Variants in DBT observed in about 807,000 individuals in gnomAD.
The protein encoded by DBT is lipoamide acyltransferase component of branched-chain alpha-keto acid dehydrogenase complex, mitochondrial.
A neutral mutation model predicts 51.3 loss-of-function variants in DBT; 40 were observed. The observed-to-expected ratio is 0.78, with a 90% confidence interval of 0.61 to 1.02. The LOEUF (loss-of-function observed/expected upper bound fraction) is 1.02, where lower values mean the gene tolerates loss of function less well. Among genes scored for constraint, DBT ranks in the 50% least tolerant of loss-of-function variants. The pLI is 0.00. For missense variants in DBT, 510 were observed against 580.2 expected (o/e 0.88, Z 1.24); for synonymous variants, 181 against 190.4 (o/e 0.95, Z 0.41).
At chr1:100,200,661 C>T (rs576584387) in intron 10 of DBT, among the ~76,000 whole-genome samples, 77 of 152,278 alleles carry the variant, frequency 5.1e-4, no homozygotes, top group African/African-American at 1.7e-3. Flanking sequence ...GGAGAGCTCT[C>T]GCTGGCATCT....
In DBT at chr1:100,195,962, G is replaced by A. The variant is rs1017324148; in HGVS notation, c.*293C>T. On this transcript the variant is annotated 3_prime_UTR_variant, in exon 11 of 11. Coordinates refer to ENST00000370132, the MANE Select transcript of DBT (RefSeq NM_001918.5). The stretch of plus-strand genomic sequence containing the variant: ...TTACAGGCGTGAGCCACCATGCCCG[G>A]CCTAATTTTGTTAATCTTGCCAGTT... The A allele has an allele frequency of 4.7e-5, 19 of 403,850 alleles. No homozygotes were observed. Among genetic ancestry groups the A allele is most frequent in the Non-Finnish European group, 1.4e-5 (3 of 217,394 alleles). The allele number at this position is 403,850 out of a possible 1,614,324, so 25.0% of individuals were successfully genotyped here.
At position 100,187,257 on chromosome 1, in the gene DBT, A is replaced by G. The variant is rs1279395426; in HGVS notation, c.*8998T>C. On this transcript the variant is annotated 3_prime_UTR_variant, in exon 11 of 11. Coordinates refer to ENST00000370132, the MANE Select transcript of DBT (RefSeq NM_001918.5). ...AGACATAAAAGTCTTTCTTCAAAAG[A>G]AAAACAAAACAAAACAAAAAACAAT... The G allele has an allele frequency of 6.6e-6, 1 of 151,892 alleles. No individual in the cohort carries two copies. Among genetic ancestry groups the G allele is most frequent in the South Asian group, 2.1e-4 (1 of 4,830 alleles). The allele number at this position is 151,892 out of a possible 1,614,324, so 9.4% of individuals were successfully genotyped here.
intron 7 of DBT, chr1:100,213,635 C>A (rs1662297302): frequency 3.1e-6 from 5 of 1,608,628 alleles, no homozygotes; most frequent in African/African-American, 1.3e-5. Flanking sequence ...CTTGAGGGAG[C>A]GAAGATGCCC....
chr1:100,217,162 A>C lies in DBT; in HGVS notation c.556-963T>G, dbSNP rs182099777. 3.4e-4 allele frequency among the ~76,000 whole-genome samples: 52 copies of C among 152,306 alleles called. No homozygotes were observed. The East Asian group carries it at 9.4e-3, about 28-fold the overall frequency. On this transcript the variant is annotated intron_variant, in intron 5 of 10. Coordinates refer to ENST00000370132, the MANE Select transcript of DBT (RefSeq NM_001918.5). ...CTAAATCCAATATTTAATTTTTAGT[A>C]ATCATACAAGCACTCTACCCAAGTA...
chr1:100,206,197 A>G (rs1284417051), intron 10 of DBT, 33 bp downstream of exon 10: 1 of 1,499,638 alleles, frequency 6.7e-7, no homozygotes, highest in South Asian at 1.1e-5. Flanking sequence ...GAATTTGCTT[A>G]AACTCCATTT....
Position 100,214,934 on chromosome 1 carries a change from AG to A in DBT, c.821del (p.Pro274LeufsTer21). ...CAATCTCATCACAATAACCAAAATG[AG>A]GTATCTTCAGGGCTGCAGACATAGT... ...VKTMSAALKI[P>X]HFGYCDEIDL... On this transcript the variant is annotated frameshift_variant, in exon 7 of 11. Coordinates refer to ENST00000370132, the MANE Select transcript of DBT (RefSeq NM_001918.5). LOFTEE classifies it high-confidence loss of function. 1 of 1,612,654 alleles carries A rather than the reference AG, an allele frequency of 6.2e-7. No individual in the cohort carries two copies. Among genetic ancestry groups the A allele is most frequent in the South Asian group, 1.1e-5 (1 of 91,052 alleles).
At chr1:100,234,181 A>G (rs933932539) in intron 3 of DBT, among the ~76,000 whole-genome samples, 1 of 152,220 alleles carries the variant, frequency 6.6e-6, no homozygotes, top group Non-Finnish European at 1.5e-5. Flanking sequence ...ATATTTCGCA[A>G]AGAACTTCTG....
rs931995014 is a variant in DBT, at chr1:100,193,557, T to C, written c.*2698A>G. 7 of 152,208 alleles carry C rather than the reference T, an allele frequency of 4.6e-5. No individual in the cohort carries two copies. The highest frequency in any genetic ancestry group is 1.7e-4 in the African/African-American group (7 of 41,444). 9.4% of individuals were successfully genotyped at this position (152,208 alleles called of 1,614,324 possible). ...GATTGGTATGGTAGATGTTTAATGT[T>C]TGAATGTATAATAAATGCATACAAT... is the stretch of plus-strand genomic sequence containing the variant. On this transcript the variant is annotated 3_prime_UTR_variant, in exon 11 of 11. Transcript: ENST00000370132.
At chr1:100,199,092 C>G (rs1661276630) in intron 10 of DBT, among the ~76,000 whole-genome samples, 1 of 152,158 alleles carries the variant, frequency 6.6e-6, no homozygotes, top group Non-Finnish European at 1.5e-5. Flanking sequence ...TCCAATTCAG[C>G]TGGTAGAGGG....
intron 8 of DBT, among the ~76,000 whole-genome samples, chr1:100,207,898 C>T (rs373002121): frequency 1.6e-4 from 25 of 151,908 alleles, no homozygotes; most frequent in African/African-American, 4.8e-5. Flanking sequence ...TTTGGGAGGC[C>T]GAGGCGGGCG....
chr1:100,203,001 A>G (rs1314742424), intron 10 of DBT, among the ~76,000 whole-genome samples: 1 of 152,210 alleles, frequency 6.6e-6, no homozygotes, highest in Admixed American at 6.5e-5. Context: ...AGCAGGAAAG[A>G]TCTAAAATCA....
At chr1:100,219,553 G>A (rs2100806470) in intron 4 of DBT, among the ~76,000 whole-genome samples, 1 of 152,064 alleles carries the variant, frequency 6.6e-6, no homozygotes, top group South Asian at 2.1e-4. Context: ...AGACCAGCCT[G>A]GGCAATAAAG....
At chr1:100,225,151 A>C (rs1012862878) in intron 4 of DBT, among the ~76,000 whole-genome samples, 3 of 151,482 alleles carry the variant, frequency 2.0e-5, no homozygotes, top group African/African-American at 4.9e-5. Context: ...ACCATAATCA[A>C]GATAATGAAC....
chr1:100,197,582 A>T (rs975367078), intron 10 of DBT, among the ~76,000 whole-genome samples: 5 of 152,218 alleles, frequency 3.3e-5, no homozygotes, highest in African/African-American at 4.8e-5. Context: ...GATAAAGAAA[A>T]GCGGTGAGAA....
At chr1:100,203,952 C>T (rs1249218277) in intron 10 of DBT, among the ~76,000 whole-genome samples, 1 of 152,094 alleles carries the variant, frequency 6.6e-6, no homozygotes, top group African/African-American at 2.4e-5. Flanking sequence ...GAACATATCT[C>T]AAAATAATAA....
chr1:100,205,706 T>C (rs12757077), intron 10 of DBT, among the ~76,000 whole-genome samples: 118,163 of 152,142 alleles, frequency 0.78, 47,940 homozygotes, highest in East Asian at 0.95. Flanking sequence ...AACCCAAATG[T>C]CCATCAATGT....
chr1:100,234,603 C>T (rs1438970993), intron 3 of DBT, among the ~76,000 whole-genome samples: 1 of 152,134 alleles, frequency 6.6e-6, no homozygotes, highest in Non-Finnish European at 1.5e-5. Flanking sequence ...CAGAGGTTGG[C>T]AGAGCAAGTA....
intron 5 of DBT, among the ~76,000 whole-genome samples, chr1:100,218,377 G>A (rs1662618848): frequency 6.6e-6 from 1 of 152,186 alleles, no homozygotes; most frequent in South Asian, 2.1e-4. Flanking sequence ...GTAAATGGTA[G>A]CTCTTACTGT....
intron 8 of DBT, among the ~76,000 whole-genome samples, chr1:100,206,971 C>T (rs1006436688): frequency 6.6e-6 from 1 of 151,950 alleles, no homozygotes; most frequent in Admixed American, 6.6e-5. Flanking sequence ...CCCAGCTACT[C>T]GGGAGGCTGA....
Sources: gnomAD v4.1 joint callset for allele counts (sites outside exome capture counted in the v4.1 genomes callset) on GRCh38, gnomAD v4.1.1 for gene constraint, MANE v1.5 for transcripts, NCBI Gene and HGNC (gene_info 2026-07-23, HGNC 2026-07-21) for gene names.